STK10: variants seen among roughly 807,000 people sequenced by gnomAD.
STK10 encodes serine/threonine kinase 10.
Under a neutral mutation model 113.8 loss-of-function variants are expected in STK10, and 78 were observed. The ratio of observed to expected loss-of-function variants is 0.69; its 90% CI spans 0.57 to 0.83. The LOEUF is 0.83. Among genes scored for constraint, STK10 ranks in the 40% least tolerant of loss-of-function variants. STK10 has a pLI of 0.00. For synonymous variants in STK10, 465 were observed against 494.7 expected, an observed-to-expected ratio of 0.94 and a Z score of 0.80; for missense variants, 1,109 against 1,280.1, an observed-to-expected ratio of 0.87 and a Z score of 2.04.
intron 1 of STK10, among the ~76,000 whole-genome samples, chr5:172,161,600 T>C (rs1286557809): frequency 6.6e-6 from 1 of 152,228 alleles, no homozygotes; most frequent in East Asian, 1.9e-4. Flanking sequence ...GCAGTGATAA[T>C]AATATGCCAT....
intron 2 of STK10, among the ~76,000 whole-genome samples, chr5:172,155,000 A>G (rs555234993): frequency 4.9e-4 from 75 of 152,108 alleles, no homozygotes; most frequent in Non-Finnish European, 1.0e-3. Context: ...CCCAGCCACA[A>G]TCAATAACAG....
intron 2 of STK10, among the ~76,000 whole-genome samples, chr5:172,149,585 T>A (rs1263378847): frequency 6.7e-6 from 1 of 149,240 alleles, no homozygotes. Context: ...GGGCAGGGGT[T>A]GGTGAGTGCC....
At position 172,120,284 on chromosome 5, in the gene STK10, G is replaced by A. The variant is rs976932111; in HGVS notation, c.371-2654C>T. Among the ~76,000 whole-genome samples the A allele has an allele frequency of 6.6e-6, 1 of 152,132 alleles. No individual in the cohort carries two copies. The highest frequency in any genetic ancestry group is 2.4e-5 in the African/African-American group (1 of 41,432). On this transcript the variant is annotated intron_variant, in intron 3 of 18. Coordinates refer to ENST00000176763, the MANE Select transcript of STK10 (RefSeq NM_005990.4). This position sits in a 1 kb window ranked among gnomAD's most constrained non-coding sequence, Gnocchi z 4.0. ...ACTGCTGTGTCCGGCTTGCCTAGTGGTGCCTGGACAGGAATCCACAAGGCT... is the reference window on the plus strand; with the variant it reads ...ACTGCTGTGTCCGGCTTGCCTAGTGATGCCTGGACAGGAATCCACAAGGCT...
chr5:172,184,324 G>A (rs1159909839), intron 1 of STK10, among the ~76,000 whole-genome samples: 2 of 152,092 alleles, frequency 1.3e-5, no homozygotes, highest in Non-Finnish European at 2.9e-5. Flanking sequence ...AGCACCTCTC[G>A]AGTAGGCAGC....
intron 15 of STK10, among the ~76,000 whole-genome samples, chr5:172,056,705 T>C (rs955649456): frequency 6.9e-6 from 1 of 144,716 alleles, no homozygotes; most frequent in Non-Finnish European, 1.5e-5. Context: ...CCAACTCTGC[T>C]AAAAAAAAAA....
chr5:172,090,693 T>C (rs528960853), intron 9 of STK10, among the ~76,000 whole-genome samples: 1 of 151,878 alleles, frequency 6.6e-6, no homozygotes, highest in East Asian at 1.9e-4. Flanking sequence ...TCCCAGCACT[T>C]TGGGAGGCCG....
At chr5:172,078,274 G>A (rs1043764938) in intron 12 of STK10, among the ~76,000 whole-genome samples, 1 of 152,192 alleles carries the variant, frequency 6.6e-6, no homozygotes, top group African/African-American at 2.4e-5. Flanking sequence ...TAAGTAAACT[G>A]CAGAATCAAA....
intron 7 of STK10, among the ~76,000 whole-genome samples, chr5:172,100,672 A>T (rs1255894132): frequency 2.0e-5 from 3 of 152,076 alleles, no homozygotes; most frequent in Admixed American, 2.0e-4. Context: ...CTGTAATCCC[A>T]GCTACTCGGG....
At chr5:172,097,981 G>A (rs748304675) in intron 7 of STK10, among the ~76,000 whole-genome samples, 1 of 152,202 alleles carries the variant, frequency 6.6e-6, no homozygotes, top group Non-Finnish European at 1.5e-5. Context: ...CACGCTCACC[G>A]AAGGCCACTG....
intron 2 of STK10, among the ~76,000 whole-genome samples, chr5:172,145,336 G>A (rs1185859523): frequency 6.6e-6 from 1 of 151,800 alleles, no homozygotes; most frequent in African/African-American, 2.4e-5. Flanking sequence ...AAGGGACAGG[G>A]AAAAGCACAC....
intron 18 of STK10, among the ~76,000 whole-genome samples, chr5:172,046,229 G>A (rs1460648533): frequency 4.0e-5 from 6 of 151,470 alleles, no homozygotes; most frequent in Non-Finnish European, 5.9e-5. Context: ...GTCTGGTAGT[G>A]TGTGCCTGTA....
intron 1 of STK10, among the ~76,000 whole-genome samples, chr5:172,157,677 G>A (rs568751985): frequency 1.7e-4 from 26 of 152,152 alleles, no homozygotes; most frequent in African/African-American, 5.1e-4. Context: ...TGCAGCCTCC[G>A]CCTTCTAGGT....
chr5:172,062,371 T>C (rs1767955928), intron 13 of STK10, among the ~76,000 whole-genome samples: 2 of 152,368 alleles, frequency 1.3e-5, no homozygotes, highest in South Asian at 4.1e-4. Flanking sequence ...GGTATGTCTA[T>C]ACAAGTGTAT....
chr5:172,073,466 T>G (rs994933552), intron 12 of STK10, among the ~76,000 whole-genome samples: 1 of 152,088 alleles, frequency 6.6e-6, no homozygotes, highest in African/African-American at 2.4e-5. Flanking sequence ...TTTTAATTTT[T>G]TTTTTGTTTG....
chr5:172,049,379 G>A (rs978706323), intron 18 of STK10, among the ~76,000 whole-genome samples: 4 of 152,074 alleles, frequency 2.6e-5, no homozygotes, highest in Non-Finnish European at 5.9e-5. Flanking sequence ...GAATAATGCA[G>A]ACAAACAGAA....
At chr5:172,171,468 C>T (rs1281960474) in intron 1 of STK10, among the ~76,000 whole-genome samples, 1 of 152,170 alleles carries the variant, frequency 6.6e-6, no homozygotes, top group Non-Finnish European at 1.5e-5. Context: ...AATCCCAGCA[C>T]TTTGGGAGGC....
At chr5:172,107,976 G>C in intron 4 of STK10, 124 bp from the exon 5 acceptor site, 1 of 750,760 alleles carries the variant, frequency 1.3e-6, no homozygotes. Flanking sequence ...TAGCAAATTA[G>C]AAAGCATTAA....
intron 2 of STK10, among the ~76,000 whole-genome samples, chr5:172,132,391 G>T (rs1769774309): frequency 6.6e-6 from 1 of 151,452 alleles, no homozygotes; most frequent in South Asian, 2.1e-4. Context: ...TTAATGGAAA[G>T]AACTGGCCTA....
intron 10 of STK10, among the ~76,000 whole-genome samples, chr5:172,088,256 T>A (rs1452166742): frequency 6.6e-6 from 1 of 152,044 alleles, no homozygotes; most frequent in East Asian, 1.9e-4. Flanking sequence ...CCGGGCGCGG[T>A]GGCTCACATC....
Sources: allele counts gnomAD v4.1 joint callset (sites outside exome capture counted in the v4.1 genomes callset), GRCh38; gene constraint gnomAD v4.1.1; non-coding constraint Gnocchi (gnomAD v3.1); transcripts MANE v1.5; gene names NCBI Gene and HGNC (gene_info 2026-07-23, HGNC 2026-07-21).